The following ZC2HC1B variants were observed in gnomAD, a reference collection of about 807,000 sequenced individuals.
The protein encoded by ZC2HC1B is zinc finger C2HC-type containing 1B.
A neutral mutation model predicts 31.0 loss-of-function variants in ZC2HC1B; 36 were observed. The ratio of observed to expected loss-of-function variants is 1.16; its 90% CI spans 0.89 to 1.54. The LOEUF is 1.54. ZC2HC1B is among the 40% of genes most tolerant of loss of function. ZC2HC1B has a pLI of 0.00. For missense variants in ZC2HC1B, 260 were observed against 268.6 expected, an observed-to-expected ratio of 0.97 and a Z score of 0.22; for synonymous variants, 73 against 88.0, an observed-to-expected ratio of 0.83 and a Z score of 0.95.
rs1777937257 is a variant in ZC2HC1B at position 143,917,900 on chromosome 6, A to G, written c.598+14748A>G. Among the ~76,000 whole-genome samples the G allele has an allele frequency of 6.6e-6, 1 of 152,258 alleles. No homozygotes were observed. Among genetic ancestry groups the G allele is most frequent in the Admixed American group, 6.5e-5 (1 of 15,288 alleles). ...TACAGTACTAGTTTTTAGACTAATA[A>G]TTGTTTTTTAAAATGTGTTAGTCTC... On this transcript the variant is annotated intron_variant, in intron 6 of 7. Coordinates refer to ENST00000237275, the MANE Select transcript of ZC2HC1B (RefSeq NM_001013623.3). This position sits in a 1 kb window ranked among gnomAD's most constrained non-coding sequence, Gnocchi z 4.1.
chr6:143,882,341 T>TATATAG (rs1777479650), intron 1 of ZC2HC1B, among the ~76,000 whole-genome samples: 2 of 130,852 alleles, frequency 1.5e-5, no homozygotes, highest in Non-Finnish European at 3.1e-5. Flanking sequence ...TTTTTATATA[T>TATATAG]ATATATATAT....
In ZC2HC1B at chr6:143,911,187, G is replaced by C. The variant is rs1483015076; in HGVS notation, c.598+8035G>C. Among the ~76,000 whole-genome samples the C allele has an allele frequency of 6.6e-6, 1 of 152,058 alleles. No individual in the cohort carries two copies. The highest frequency in any genetic ancestry group is 1.5e-5 in the Non-Finnish European group (1 of 68,008). Reference sequence around the variant, plus strand: ...TATGTATGTCTTTGCAAGTAAGATGGGTCTCTTGAAGACAGCATATTGATG... The same window carrying C: ...TATGTATGTCTTTGCAAGTAAGATGCGTCTCTTGAAGACAGCATATTGATG... On this transcript the variant is annotated intron_variant, in intron 6 of 7. Transcript: ENST00000237275. This position sits in a 1 kb window ranked among gnomAD's most constrained non-coding sequence, Gnocchi z 4.5.
chr6:143,883,114 A>G lies in ZC2HC1B; in HGVS notation c.29-1190A>G, dbSNP rs1777488798. ...GAGTGCAGTGTTATGATCATGGCTCACTGCAACTTCTGCCTCCTGGGCTCA... is the reference window on the plus strand; with the variant it reads ...GAGTGCAGTGTTATGATCATGGCTCGCTGCAACTTCTGCCTCCTGGGCTCA... On this transcript the variant is annotated intron_variant, in intron 1 of 7. Coordinates refer to ENST00000237275, the MANE Select transcript of ZC2HC1B (RefSeq NM_001013623.3). This position sits in a 1 kb window ranked among gnomAD's most constrained non-coding sequence, Gnocchi z 4.1. 6.6e-6 allele frequency among the ~76,000 whole-genome samples: 1 copy of G among 152,146 alleles called. No individual in the cohort carries two copies. Among genetic ancestry groups the G allele is most frequent in the African/African-American group, 2.4e-5 (1 of 41,436 alleles).
At position 143,868,288 on chromosome 6, in the gene ZC2HC1B, A is replaced by C. The variant is rs143718022; in HGVS notation, c.28+3721A>C. On this transcript the variant is annotated intron_variant, in intron 1 of 7. Transcript: ENST00000237275. This position sits in a 1 kb window ranked among gnomAD's most constrained non-coding sequence, Gnocchi z 4.2. ...TAGATCTGTATATAAAGGGGAATTT[A>C]TTAAGTATTAACTCACAATCACAAG... Among the ~76,000 whole-genome samples the C allele has an allele frequency of 3.3e-4, 51 of 152,312 alleles. No homozygotes were observed. The highest frequency in any genetic ancestry group is 1.1e-3 in the African/African-American group (46 of 41,584).
intron 1 of ZC2HC1B, among the ~76,000 whole-genome samples, chr6:143,876,154 A>G (rs1164963661): frequency 6.6e-6 from 1 of 150,582 alleles, no homozygotes; most frequent in Non-Finnish European, 1.5e-5. Context: ...TACAGGAGAT[A>G]AGACTCTCAC....
chr6:143,879,099 C>T (rs950353784), intron 1 of ZC2HC1B, among the ~76,000 whole-genome samples: 15 of 152,160 alleles, frequency 9.9e-5, no homozygotes, highest in Admixed American at 1.3e-4. Context: ...TTGACAGTCT[C>T]TTCCTCCTCA....
chr6:143,910,044 G>A (rs1448314812), intron 6 of ZC2HC1B, among the ~76,000 whole-genome samples: 1 of 152,168 alleles, frequency 6.6e-6, no homozygotes, highest in Non-Finnish European at 1.5e-5. Context: ...TGGGCATTTA[G>A]TGCTGTAAAT....
intron 6 of ZC2HC1B, 106 bp from the exon 7 acceptor site, chr6:143,937,543 G>A: frequency 1.0e-6 from 1 of 953,738 alleles, no homozygotes; most frequent in Non-Finnish European, 1.5e-6. Flanking sequence ...CAAAAAAAAG[G>A]AAGAATAGAA....
At position 143,913,015 on chromosome 6, in the gene ZC2HC1B, A is replaced by G. The variant is rs556888818; in HGVS notation, c.598+9863A>G. Reference sequence around the variant, plus strand: ...TCTTGCTTAAAGAAGCAGTCTGGCCATACCTCAACAAAACAGCTGTGCTGT... The same window carrying G: ...TCTTGCTTAAAGAAGCAGTCTGGCCGTACCTCAACAAAACAGCTGTGCTGT... On this transcript the variant is annotated intron_variant, in intron 6 of 7. Transcript: ENST00000237275. The surrounding 1 kb of genome is among the most constrained non-coding windows in gnomAD (Gnocchi z 5.7). 1.5e-4 allele frequency among the ~76,000 whole-genome samples: 23 copies of G among 152,158 alleles called. No homozygotes were observed. The highest frequency in any genetic ancestry group is 3.4e-4 in the Non-Finnish European group (23 of 68,014).
rs1453007795 is a variant in ZC2HC1B, at chr6:143,918,309, C to G, written c.598+15157C>G. ...ACCTCTGTACCCATCTCTTCCCTTACTTTTTGAAGGACAGTTTTTCTGTAT... is the reference window on the plus strand; with the variant it reads ...ACCTCTGTACCCATCTCTTCCCTTAGTTTTTGAAGGACAGTTTTTCTGTAT... On this transcript the variant is annotated intron_variant, in intron 6 of 7. Coordinates refer to ENST00000237275, the MANE Select transcript of ZC2HC1B (RefSeq NM_001013623.3). The surrounding 1 kb of genome is among the most constrained non-coding windows in gnomAD (Gnocchi z 4.1). 6.6e-6 allele frequency among the ~76,000 whole-genome samples: 1 copy of G among 152,104 alleles called. No homozygotes were observed. Among genetic ancestry groups the G allele is most frequent in the Admixed American group, 6.6e-5 (1 of 15,244 alleles).
intron 6 of ZC2HC1B, among the ~76,000 whole-genome samples, chr6:143,904,336 C>T (rs561850981): frequency 6.6e-6 from 1 of 151,998 alleles, no homozygotes; most frequent in South Asian, 2.1e-4. Context: ...CATGGGTTGC[C>T]TTTTTCCTCT....
chr6:143,931,712 CT>C, intron 6 of ZC2HC1B, among the ~76,000 whole-genome samples: 1 of 152,224 alleles, frequency 6.6e-6, no homozygotes, highest in Non-Finnish European at 1.5e-5. Context: ...AATCTGATAT[CT>C]TTTCCTTTAT....
intron 6 of ZC2HC1B, among the ~76,000 whole-genome samples, chr6:143,919,452 A>G (rs1777962654): frequency 1.3e-5 from 2 of 152,310 alleles, no homozygotes; most frequent in African/African-American, 4.8e-5. Context: ...AGACAAAAAT[A>G]AAAGGAGAGA....
rs1184535563 is a variant in ZC2HC1B, at chr6:143,899,613, G to A, written c.489+922G>A. ...GCTGGTCTCAAACTCCTGGGCCCAA[G>A]CAATCTGCCCTCTTCAGCCTCCCAA... On this transcript the variant is annotated intron_variant, in intron 5 of 7. Coordinates refer to ENST00000237275, the MANE Select transcript of ZC2HC1B (RefSeq NM_001013623.3). This position sits in a 1 kb window ranked among gnomAD's most constrained non-coding sequence, Gnocchi z 5.0. Among the ~76,000 whole-genome samples the A allele has an allele frequency of 6.6e-6, 1 of 152,200 alleles. No homozygotes were observed. The highest frequency in any genetic ancestry group is 2.4e-5 in the African/African-American group (1 of 41,448).
At chr6:143,866,422 GC>G (rs1777263155) in intron 1 of ZC2HC1B, among the ~76,000 whole-genome samples, 2 of 152,212 alleles carry the variant, frequency 1.3e-5, no homozygotes, top group Non-Finnish European at 2.9e-5. Flanking sequence ...GGGAGCAGTG[GC>G]TCACCACTGC....
chr6:143,877,091 C>G (rs916071193), intron 1 of ZC2HC1B, among the ~76,000 whole-genome samples: 10 of 149,548 alleles, frequency 6.7e-5, no homozygotes, highest in Admixed American at 2.7e-4. Flanking sequence ...TATTCTCTTC[C>G]TTGTATTTTC....
intron 6 of ZC2HC1B, among the ~76,000 whole-genome samples, chr6:143,936,067 T>G (rs1464190602): frequency 2.0e-5 from 3 of 152,152 alleles, no homozygotes; most frequent in African/African-American, 7.2e-5. Flanking sequence ...CTCTCTTGAG[T>G]AAAATAAGCA....
chr6:143,928,743 G>T (rs1778080798), intron 6 of ZC2HC1B, among the ~76,000 whole-genome samples: 1 of 150,590 alleles, frequency 6.6e-6, no homozygotes, highest in African/African-American at 2.4e-5. Context: ...ATTTATTTGT[G>T]TCCTCTTAAC....
intron 6 of ZC2HC1B, among the ~76,000 whole-genome samples, chr6:143,904,862 C>A (rs555674752): frequency 6.6e-6 from 1 of 152,266 alleles, no homozygotes; most frequent in South Asian, 2.1e-4. Context: ...TGGTCTTGCA[C>A]CCTTGTCAAA....
Sources: gnomAD v4.1 joint callset for allele counts (sites outside exome capture counted in the v4.1 genomes callset) on GRCh38, gnomAD v4.1.1 for gene constraint, Gnocchi (gnomAD v3.1) non-coding constraint, MANE v1.5 for transcripts, NCBI Gene and HGNC (gene_info 2026-07-23, HGNC 2026-07-21) for gene names.